The following SENP6 variants were observed in gnomAD, a reference collection of about 807,000 sequenced individuals.
The protein encoded by SENP6 is sentrin-specific protease 6.
Under a neutral mutation model 134.5 loss-of-function variants are expected in SENP6, and 41 were observed. The ratio of observed to expected loss-of-function variants is 0.30; its 90% confidence interval spans 0.24 to 0.40. The LOEUF is 0.40. SENP6 is among the 10% of genes least tolerant of loss of function. The probability of loss-of-function intolerance (pLI) is 1.00; values close to 1 mark genes in which losing one functional copy is unlikely to be tolerated. For synonymous variants in SENP6, 395 were observed against 429.8 expected (o/e 0.92, Z 1.00); for missense variants, 1,248 against 1,312.5 (o/e 0.95, Z 0.76).
At chr6:75,676,153 A>AG in intron 13 of SENP6, 99 bp downstream of exon 13, 1 of 683,998 alleles carries the variant, frequency 1.5e-6, no homozygotes. Context: ...CAGATGCCTT[A>AG]GGTGTATATT....
In SENP6 at chr6:75,675,964, C is replaced by T; in HGVS notation, c.1531C>T (p.Pro511Ser). The T allele has an allele frequency of 6.2e-7, 1 of 1,612,584 alleles. No individual in the cohort carries two copies. The highest frequency in any genetic ancestry group is 8.5e-7 in the Non-Finnish European group (1 of 1,179,268). Reference sequence around the variant, plus strand: ...ACCTGTAGTGTTTCTTCAAGCAATTCCAGCAGTTTATCAAAAGCTGAGCAT... The same window carrying T: ...ACCTGTAGTGTTTCTTCAAGCAATTTCAGCAGTTTATCAAAAGCTGAGCAT... ...KLPVVFLQAI[P>S]AVYQKLSIQL... The change falls in exon 13 of 24, where the codon CCA becomes TCA. Residue 511 changes from proline (P) to serine (S), a missense_variant. This residue lies in a region of SENP6 where 733 missense variants were observed against 725.4 expected (regional missense o/e 1.01). Transcript: ENST00000447266.
intron 10 of SENP6, among the ~76,000 whole-genome samples, chr6:75,670,266 G>T (rs1229865982): frequency 6.6e-6 from 1 of 152,134 alleles, no homozygotes; most frequent in East Asian, 1.9e-4. Context: ...TCTTTAAAAG[G>T]TGGTGTGGCT....
chr6:75,660,917 C>G (rs368395989), intron 8 of SENP6, among the ~76,000 whole-genome samples: 18 of 152,282 alleles, frequency 1.2e-4, no homozygotes, highest in African/African-American at 4.3e-4. Flanking sequence ...AGGCGTGAGC[C>G]ACCGCGCCTG....
At chr6:75,687,005 C>T (rs1773888925) in intron 16 of SENP6, among the ~76,000 whole-genome samples, 1 of 152,162 alleles carries the variant, frequency 6.6e-6, no homozygotes, top group Non-Finnish European at 1.5e-5. Flanking sequence ...CAACTTGGTT[C>T]CATTCTCCCC....
At chr6:75,649,368 A>G (rs1582763543) in intron 7 of SENP6, among the ~76,000 whole-genome samples, 1 of 152,184 alleles carries the variant, frequency 6.6e-6, no homozygotes, top group Admixed American at 6.5e-5. Flanking sequence ...CCCACTAATA[A>G]TGGTTTTAGA....
intron 5 of SENP6, among the ~76,000 whole-genome samples, chr6:75,636,060 C>G (rs1020313962): frequency 5.9e-5 from 9 of 151,936 alleles, no homozygotes; most frequent in Middle Eastern, 3.2e-3. Context: ...AAAAAACAAC[C>G]CGTTAATAGT....
rs369601032 is a variant in SENP6 at position 75,697,467 on chromosome 6, G to A, written c.2238G>A (p.Arg746=). 2.5e-5 allele frequency: 41 copies of A among 1,613,316 alleles called. No homozygotes were observed. The African/African-American group carries it at 2.7e-4, about 11-fold the overall frequency. The part of the protein sequence containing the change: ...KRHGRVKTWT[R]HVDIFEKDFI... Reference sequence around the variant, plus strand: ...ATGGGAGAGTAAAAACATGGACCCGGCACGTAGATATTTTTGAGAAGGATT... The same window carrying A: ...ATGGGAGAGTAAAAACATGGACCCGACACGTAGATATTTTTGAGAAGGATT... Residue 746 remains arginine, a synonymous_variant, in exon 18 of 24, where the codon CGG becomes CGA. Coordinates refer to ENST00000447266, the MANE Select transcript of SENP6 (RefSeq NM_015571.4).
chr6:75,615,253 T>A (rs1000476781), intron 1 of SENP6, among the ~76,000 whole-genome samples: 1 of 152,090 alleles, frequency 6.6e-6, no homozygotes, highest in Admixed American at 6.6e-5. Flanking sequence ...TGATCTCAGC[T>A]CACTCAACCT....
intron 1 of SENP6, among the ~76,000 whole-genome samples, chr6:75,605,286 G>C (rs1015996801): frequency 2.0e-5 from 3 of 152,176 alleles, no homozygotes; most frequent in Non-Finnish European, 4.4e-5. Flanking sequence ...CTAACAGTCA[G>C]TGTACCACGG....
intron 18 of SENP6, among the ~76,000 whole-genome samples, chr6:75,700,745 A>G (rs1582891369): frequency 6.6e-6 from 1 of 152,030 alleles, no homozygotes; most frequent in African/African-American, 2.4e-5. Flanking sequence ...GCCTGCCTCA[A>G]CCTCCCAAAG....
At position 75,659,268 on chromosome 6, in the gene SENP6, T is replaced by C; in HGVS notation, c.557T>C (p.Ile186Thr). 1.2e-6 allele frequency: 2 copies of C among 1,600,912 alleles called. No individual in the cohort carries two copies. The highest frequency in any genetic ancestry group is 1.7e-6 in the Non-Finnish European group (2 of 1,176,208). The change falls in exon 8 of 24, where the codon ATA (isoleucine) becomes ACA (threonine). Residue 186 changes from isoleucine to threonine, a missense_variant. This residue lies in a region of SENP6 where 733 missense variants were observed against 725.4 expected (regional missense o/e 1.01). Transcript: ENST00000447266. Reference sequence around the variant, plus strand: ...TTTTTTCTCCTTCCTTTAGAACGTATAATGAAGAAAACAGAAGAGTCCGAA... The same window carrying C: ...TTTTTTCTCCTTCCTTTAGAACGTACAATGAAGAAAACAGAAGAGTCCGAA... ...RLSRLQGVER[I>T]MKKTEESESQ...
intron 14 of SENP6, chr6:75,677,800 A>G (rs1773196151): frequency 6.5e-6 from 1 of 152,682 alleles, no homozygotes; most frequent in Admixed American, 6.5e-5. Context: ...TACTAAACAC[A>G]TAGTATAATG....
intron 3 of SENP6, among the ~76,000 whole-genome samples, chr6:75,630,791 A>AT (rs1769051737): frequency 6.6e-6 from 1 of 151,594 alleles, no homozygotes; most frequent in Admixed American, 6.6e-5. Context: ...ATCTCTGTGG[A>AT]TTTTACCTTT....
At chr6:75,658,848 T>C (rs932901407) in intron 7 of SENP6, among the ~76,000 whole-genome samples, 6 of 151,820 alleles carry the variant, frequency 4.0e-5, no homozygotes, top group Non-Finnish European at 8.8e-5. Flanking sequence ...GGCACGTACC[T>C]GTAGTCACAG....
intron 8 of SENP6, among the ~76,000 whole-genome samples, chr6:75,661,819 C>CAGGT (rs1771799596): frequency 1.3e-5 from 2 of 152,188 alleles, no homozygotes; most frequent in East Asian, 3.9e-4. Context: ...CAGGCCGAGG[C>CAGGT]AGGTGGTGGA....
At chr6:75,605,450 A>C (rs1766959493) in intron 1 of SENP6, among the ~76,000 whole-genome samples, 1 of 152,230 alleles carries the variant, frequency 6.6e-6, no homozygotes, top group African/African-American at 2.4e-5. Flanking sequence ...TGTTAATGAA[A>C]TAAACCAGAT....
At chr6:75,612,626 C>T (rs183033465) in intron 1 of SENP6, among the ~76,000 whole-genome samples, 21 of 152,214 alleles carry the variant, frequency 1.4e-4, no homozygotes, top group African/African-American at 4.6e-4. Context: ...TGTCTGATAA[C>T]CCCATGAGAC....
chr6:75,688,539 A>AC (rs373627243), intron 16 of SENP6, among the ~76,000 whole-genome samples: 14 of 148,354 alleles, frequency 9.4e-5, no homozygotes, highest in African/African-American at 2.2e-4. Context: ...CCGCCACCCC[A>AC]CCCCCCCGTC....
rs561559020 is a variant in SENP6 at position 75,695,718 on chromosome 6, C to G, written c.2076-86C>G. The G allele has an allele frequency of 1.4e-4, 154 of 1,132,002 alleles. No individual in the cohort carries two copies. The African/African-American group carries it at 2.3e-3, about 17-fold the overall frequency. The allele number at this position is 1,132,002 out of a possible 1,614,324, so 70.1% of individuals were successfully genotyped here. Reference sequence around the variant, plus strand: ...CTCCACTGCACTCCAGCCTGGGCAACAGAGTGAGACTCTGTCTCAAAAAAA... The same window carrying G: ...CTCCACTGCACTCCAGCCTGGGCAAGAGAGTGAGACTCTGTCTCAAAAAAA... On this transcript the variant is annotated intron_variant, in intron 16 of 23. Coordinates refer to ENST00000447266, the MANE Select transcript of SENP6 (RefSeq NM_015571.4).
Sources: allele counts gnomAD v4.1 joint callset (sites outside exome capture counted in the v4.1 genomes callset), GRCh38; gene constraint gnomAD v4.1.1; regional missense constraint gnomAD v4.1.1; transcripts MANE v1.5; gene names NCBI Gene and HGNC (gene_info 2026-07-23, HGNC 2026-07-21).